Variants in CMTM5 observed in about 807,000 individuals in gnomAD.
The protein encoded by CMTM5 is CKLF-like MARVEL transmembrane domain-containing protein 5.
A neutral mutation model predicts 26.9 loss-of-function variants in CMTM5; 25 were observed. The observed-to-expected ratio is 0.93, with a 90% confidence interval of 0.68 to 1.30. The LOEUF is 1.30. Among genes scored for constraint, CMTM5 ranks in the 50% most tolerant of loss-of-function variants. The pLI, the probability that CMTM5 is intolerant of heterozygous loss-of-function variation, is 0.00. For synonymous variants in CMTM5, 98 were observed against 115.5 expected, an observed-to-expected ratio of 0.85 and a Z score of 0.97; for missense variants, 292 against 289.6, an observed-to-expected ratio of 1.01 and a Z score of -0.06.
At position 23,378,482 on chromosome 14, in the gene CMTM5, G is replaced by T; in HGVS notation, c.260G>T (p.Arg87Leu). ...YATQYYQRFD[R>L]INWPCLLQGH... ...ACCCAGTACTACCAGCGCTTCGACC[G>T]AATTAACTGGCCCTGTCTGGTGAGG... Residue 87 changes from arginine to leucine, a missense_variant, in exon 2 of 6, where the codon CGA (arginine) becomes CTA (leucine). By Grantham distance (102) the Arg-to-Leu change is moderately radical. Coordinates refer to ENST00000339180, the MANE Select transcript of CMTM5 (RefSeq NM_001288746.2). This position sits in a 1 kb window ranked among gnomAD's most constrained non-coding sequence, Gnocchi z 4.2. The T allele has an allele frequency of 6.2e-7, 1 of 1,614,094 alleles. No homozygotes were observed. The highest frequency in any genetic ancestry group is 8.5e-7 in the Non-Finnish European group (1 of 1,180,008).
Position 23,379,403 on chromosome 14 carries a change from GGAGAGGA to G in CMTM5, c.658+23_658+29del. The G allele has an allele frequency of 6.2e-7, 1 of 1,614,118 alleles. No homozygotes were observed. The highest frequency in any genetic ancestry group is 8.5e-7 in the Non-Finnish European group (1 of 1,180,024). ...GCCAGGGTGAGTGCCTGTGCTCTGT[GGAGAGGA>G]GATGCCCTCCCCACCCTAGCTACCC... On this transcript the variant is annotated intron_variant, in intron 5 of 5. Coordinates refer to ENST00000339180, the MANE Select transcript of CMTM5 (RefSeq NM_001288746.2).
chr14:23,377,481 A>C lies in CMTM5; in HGVS notation c.126+104A>C, dbSNP rs7150284. On this transcript the variant is annotated intron_variant, in intron 1 of 5. Coordinates refer to ENST00000339180, the MANE Select transcript of CMTM5 (RefSeq NM_001288746.2). The surrounding 1 kb of genome is among the most constrained non-coding windows in gnomAD (Gnocchi z 4.6). ...CACCCTTCAGTAGCCTCCTTCCCCA[A>C]GCCCTCTGGACACCTCTCCTGCCCG... The C allele has an allele frequency of 5.9e-6, 8 of 1,355,878 alleles. No individual in the cohort carries two copies. The highest frequency in any genetic ancestry group is 7.8e-6 in the Non-Finnish European group (8 of 1,021,524). The allele number at this position is 1,355,878 out of a possible 1,614,324, so 84.0% of individuals were successfully genotyped here.
rs1307457442 is a variant in CMTM5, at chr14:23,378,879, C to CT, written c.480+11dup. ...CTCCCTGGGTAGCAGTGTGAGCGCT[C>CT]TGTCTCTTGAATGTGCTTCATATTG... On this transcript the variant is annotated intron_variant, in intron 3 of 5. Transcript: ENST00000339180. This position sits in a 1 kb window ranked among gnomAD's most constrained non-coding sequence, Gnocchi z 4.2. 6.2e-7 allele frequency: 1 copy of CT among 1,612,972 alleles called. No homozygotes were observed. Among genetic ancestry groups the CT allele is most frequent in the East Asian group, 2.2e-5 (1 of 44,870 alleles).
Position 23,378,465 on chromosome 14 carries a change from C to T in CMTM5, c.243C>T (p.Tyr81=). 2 of 1,614,166 alleles carry T rather than the reference C, an allele frequency of 1.2e-6. No homozygotes were observed. The highest frequency in any genetic ancestry group is 1.7e-6 in the Non-Finnish European group (2 of 1,180,016). ...LAFLFLYATQ[Y]YQRFDRINWP... is the part of the protein sequence containing the mutation. ...TCCTCTTCCTCTATGCCACCCAGTA[C>T]TACCAGCGCTTCGACCGAATTAACT... Residue 81 remains tyrosine (Y), a synonymous_variant, in exon 2 of 6, where the codon TAC becomes TAT. Transcript: ENST00000339180. This position sits in a 1 kb window ranked among gnomAD's most constrained non-coding sequence, Gnocchi z 4.2.
intron 4 of CMTM5, 63 bp from the exon 5 acceptor site, chr14:23,379,236 C>G: frequency 6.2e-7 from 1 of 1,608,336 alleles, no homozygotes; most frequent in Non-Finnish European, 8.5e-7. Context: ...TGCACCTCAC[C>G]CTATACCTTA....
In CMTM5 at chr14:23,378,936, T is replaced by A; in HGVS notation, c.480+67T>A. On this transcript the variant is annotated intron_variant, in intron 3 of 5. Coordinates refer to ENST00000339180, the MANE Select transcript of CMTM5 (RefSeq NM_001288746.2). The surrounding 1 kb of genome is among the most constrained non-coding windows in gnomAD (Gnocchi z 4.2). ...GGGTATCCTATGGAGGGGTTCAGAA[T>A]CCCTCAGGGTCGGGCTGCTGGCTAG... The A allele has an allele frequency of 1.2e-6, 2 of 1,601,140 alleles. No homozygotes were observed. The highest frequency in any genetic ancestry group is 8.5e-7 in the Non-Finnish European group (1 of 1,170,114).
rs756622705 is a variant in CMTM5 at position 23,377,322 on chromosome 14, C to A, written c.71C>A (p.Ala24Glu). The change falls in exon 1 of 6, where the codon GCG becomes GAG. Residue 24 changes from alanine (A) to glutamate (E), a missense_variant. Transcript: ENST00000339180. This position sits in a 1 kb window ranked among gnomAD's most constrained non-coding sequence, Gnocchi z 4.6. ...EGVVAELQGF[A>E]VDKAFLTSHK... The stretch of plus-strand genomic sequence containing the variant: ...GTAGTTGCAGAGCTCCAGGGCTTCG[C>A]GGTGGACAAGGCCTTCCTCACCTCC... The A allele has an allele frequency of 6.2e-7, 1 of 1,610,192 alleles. No individual in the cohort carries two copies. The highest frequency in any genetic ancestry group is 8.5e-7 in the Non-Finnish European group (1 of 1,177,884).
rs780171110 is a variant in CMTM5 at position 23,378,876 on chromosome 14, G to T, written c.480+7G>T. On this transcript the variant is annotated splice_region_variant and intron_variant, in intron 3 of 5. Coordinates refer to ENST00000339180, the MANE Select transcript of CMTM5 (RefSeq NM_001288746.2). This position sits in a 1 kb window ranked among gnomAD's most constrained non-coding sequence, Gnocchi z 4.2. Reference sequence around the variant, plus strand: ...CCACTCCCTGGGTAGCAGTGTGAGCGCTCTGTCTCTTGAATGTGCTTCATA... The same window carrying T: ...CCACTCCCTGGGTAGCAGTGTGAGCTCTCTGTCTCTTGAATGTGCTTCATA... 1.9e-6 allele frequency: 3 copies of T among 1,612,892 alleles called. No homozygotes were observed. The East Asian group carries it at 6.7e-5, about 36-fold the overall frequency.
Position 23,378,862 on chromosome 14 carries a change from G to T in CMTM5, c.473G>T (p.Gly158Val). 1 of 1,613,258 alleles carries T rather than the reference G, an allele frequency of 6.2e-7. No individual in the cohort carries two copies. The change falls in exon 3 of 6, where the codon GGT becomes GTT. Residue 158 changes from glycine (G) to valine (V), a missense_variant. By Grantham distance (109) the Gly-to-Val change is moderately radical. Transcript: ENST00000339180. The surrounding 1 kb of genome is among the most constrained non-coding windows in gnomAD (Gnocchi z 4.2). ...LLWFICFHSLGSSDFLRCVSA... is the reference protein window; with the variant it reads ...LLWFICFHSLVSSDFLRCVSA... ...TGGTTCATCTGCTTCCACTCCCTGGGTAGCAGTGTGAGCGCTCTGTCTCTT... is the reference window on the plus strand; with the variant it reads ...TGGTTCATCTGCTTCCACTCCCTGGTTAGCAGTGTGAGCGCTCTGTCTCTT...
rs577084171 is a variant in CMTM5, at chr14:23,379,673, G to C, written c.*186G>C. On this transcript the variant is annotated 3_prime_UTR_variant, in exon 6 of 6. Transcript: ENST00000339180. ...GGTGCTCCAGGATGTGGCTTCTCAT[G>C]AAGCTCTGGCCAGAGGAGGGGAACT... The C allele has an allele frequency of 1.0e-5, 12 of 1,166,452 alleles. No homozygotes were observed. In the East Asian group the frequency reaches 4.3e-4, roughly 41 times the overall value. 72.3% of individuals were successfully genotyped at this position (1,166,452 alleles called of 1,614,324 possible).
Position 23,379,325 on chromosome 14 carries a change from C to T in CMTM5, c.600C>T (p.Ile200=). ...TTTTTGGCATCATCCTGGTTTCCAT[C>T]TTTGCCTATGATGCCTTCAAGATCT... ...AFVFGIILVS[I]FAYDAFKIYR... The change falls in exon 5 of 6, where the codon ATC becomes ATT. Residue 200 remains isoleucine, a synonymous_variant. Transcript: ENST00000339180. 1 of 1,614,178 alleles carries T rather than the reference C, an allele frequency of 6.2e-7. No individual in the cohort carries two copies.
chr14:23,377,051 G>A lies in CMTM5; in HGVS notation c.-201G>A. The stretch of plus-strand genomic sequence containing the variant: ...GTGCAGGCAGCAGCAGAGGCACTCT[G>A]GGCAGCTGGGTGAGGGCCCATCTGG... On this transcript the variant is annotated 5_prime_UTR_variant, in exon 1 of 6. Coordinates refer to ENST00000339180, the MANE Select transcript of CMTM5 (RefSeq NM_001288746.2). This position sits in a 1 kb window ranked among gnomAD's most constrained non-coding sequence, Gnocchi z 4.6. The A allele has an allele frequency of 1.6e-6, 1 of 636,172 alleles. No homozygotes were observed. The allele number at this position is 636,172 out of a possible 1,614,324, so 39.4% of individuals were successfully genotyped here. A position where few individuals can be genotyped will look rare whatever the true frequency, so the allele number is the denominator to read the frequency against.
In CMTM5 at chr14:23,379,581, A is replaced by G. The variant is rs1350206894; in HGVS notation, c.*94A>G. The G allele has an allele frequency of 6.3e-7, 1 of 1,579,264 alleles. No individual in the cohort carries two copies. The highest frequency in any genetic ancestry group is 1.4e-5 in the African/African-American group (1 of 74,068). On this transcript the variant is annotated 3_prime_UTR_variant, in exon 6 of 6. Coordinates refer to ENST00000339180, the MANE Select transcript of CMTM5 (RefSeq NM_001288746.2). Reference sequence around the variant, plus strand: ...GGGATTCACTAGCCCCCAGCCCGCCAAACCCCACCCCAGCCCTACACAGCA... The same window carrying G: ...GGGATTCACTAGCCCCCAGCCCGCCGAACCCCACCCCAGCCCTACACAGCA...
Position 23,377,387 on chromosome 14 carries a change from G to T in CMTM5, c.126+10G>T. The T allele has an allele frequency of 1.3e-6, 2 of 1,566,264 alleles. No individual in the cohort carries two copies. Among genetic ancestry groups the T allele is most frequent in the Non-Finnish European group, 1.7e-6 (2 of 1,154,082 alleles). Reference sequence around the variant, plus strand: ...GCTGGAAACCGAGCTGGTAACAGCTGCCTCCCAACCTGGTGCCTCCATCTC... The same window carrying T: ...GCTGGAAACCGAGCTGGTAACAGCTTCCTCCCAACCTGGTGCCTCCATCTC... On this transcript the variant is annotated intron_variant, in intron 1 of 5. Transcript: ENST00000339180. The surrounding 1 kb of genome is among the most constrained non-coding windows in gnomAD (Gnocchi z 4.6).
rs775719164 is a variant in CMTM5 at position 23,378,738 on chromosome 14, C to A, written c.349C>A (p.Pro117Thr). The A allele has an allele frequency of 8.7e-6, 14 of 1,612,562 alleles. No homozygotes were observed. In the East Asian group the frequency reaches 1.1e-4, roughly 13 times the overall value. Reference sequence around the variant, plus strand: ...ACTCTCCCACTCAGCAAAGGTCCAGCCCCAGCCCTGGCCTGGCTTGACCCC... The same window carrying A: ...ACTCTCCCACTCAGCAAAGGTCCAGACCCAGCCCTGGCCTGGCTTGACCCC... ...DLLSHSAKVQ[P>T]QPWPGLTPPG... is the part of the protein sequence containing the mutation. The change falls in exon 3 of 6, where the codon CCC (proline) becomes ACC (threonine). Residue 117 changes from proline to threonine, a missense_variant. Pro to Thr is a conservative substitution (Grantham distance 38). Transcript: ENST00000339180. This position sits in a 1 kb window ranked among gnomAD's most constrained non-coding sequence, Gnocchi z 4.2.
In CMTM5 at chr14:23,378,675, G is replaced by C; in HGVS notation, c.286G>C (p.Gly96Arg). 1 of 1,613,150 alleles carries C rather than the reference G, an allele frequency of 6.2e-7. No homozygotes were observed. Among genetic ancestry groups the C allele is most frequent in the East Asian group, 2.2e-5 (1 of 44,876 alleles). The change falls in exon 3 of 6, where the codon GGC becomes CGC. Residue 96 changes from glycine (G) to arginine (R), a missense_variant. Gly to Arg is a moderately radical substitution (Grantham distance 125, BLOSUM62 -2). Coordinates refer to ENST00000339180, the MANE Select transcript of CMTM5 (RefSeq NM_001288746.2). This position sits in a 1 kb window ranked among gnomAD's most constrained non-coding sequence, Gnocchi z 4.2. ...DRINWPCLLQ[G>R]HGQSGGPHPL... ...ACTCACACTGATTTCACAGCTGCAGGGCCACGGGCAATCAGGAGGACCACA... is the reference window on the plus strand; with the variant it reads ...ACTCACACTGATTTCACAGCTGCAGCGCCACGGGCAATCAGGAGGACCACA...
In CMTM5 at chr14:23,377,955, C is replaced by A; in HGVS notation, c.127-394C>A. ...GCTCTGGTCCTTGTCAGGGGGCTTT[C>A]AGGCATCTGGGGGTGGGGAAAGCAT... On this transcript the variant is annotated intron_variant, in intron 1 of 5. Transcript: ENST00000339180. The surrounding 1 kb of genome is among the most constrained non-coding windows in gnomAD (Gnocchi z 4.6). 4.6e-6 allele frequency: 1 copy of A among 219,728 alleles called. No homozygotes were observed. Among genetic ancestry groups the A allele is most frequent in the South Asian group, 9.9e-5 (1 of 10,082 alleles). The allele number at this position is 219,728 out of a possible 1,614,324, so 13.6% of individuals were successfully genotyped here.
At position 23,378,682 on chromosome 14, in the gene CMTM5, G is replaced by A. The variant is rs758243404; in HGVS notation, c.293G>A (p.Gly98Glu). ...CTGATTTCACAGCTGCAGGGCCACG[G>A]GCAATCAGGAGGACCACATCCGCTA... ...INWPCLLQGH[G>E]QSGGPHPLDL... The change falls in exon 3 of 6, where the codon GGG becomes GAG. Residue 98 changes from glycine to glutamate, a missense_variant. By Grantham distance (98) the Gly-to-Glu change is moderately conservative. Coordinates refer to ENST00000339180, the MANE Select transcript of CMTM5 (RefSeq NM_001288746.2). This position sits in a 1 kb window ranked among gnomAD's most constrained non-coding sequence, Gnocchi z 4.2. 1.9e-6 allele frequency: 3 copies of A among 1,613,076 alleles called. No individual in the cohort carries two copies. The highest frequency in any genetic ancestry group is 1.1e-5 in the South Asian group (1 of 91,058).
rs1595042965 is a variant in CMTM5, at chr14:23,379,120, T to A, written c.570T>A (p.Ala190=). The change falls in exon 4 of 6, where the codon GCT becomes GCA. Residue 190 remains alanine, a synonymous_variant. Coordinates refer to ENST00000339180, the MANE Select transcript of CMTM5 (RefSeq NM_001288746.2). ...CCCGGGACGGAGCTGCCATTGCTGC[T>A]TTTGTGAGTTCAGCCCTGCAGGACT... The part of the protein sequence containing the change: ...VTSRDGAAIA[A]FVFGIILVSI... 1.9e-5 allele frequency: 30 copies of A among 1,613,684 alleles called. No homozygotes were observed. In the East Asian group the frequency reaches 6.7e-4, roughly 36 times the overall value.
Sources: gnomAD v4.1 joint callset for allele counts on GRCh38, gnomAD v4.1.1 for gene constraint, Gnocchi (gnomAD v3.1) non-coding constraint, MANE v1.5 for transcripts, NCBI Gene and HGNC (gene_info 2026-07-23, HGNC 2026-07-21) for gene names.